CDH18: variants seen among roughly 807,000 people sequenced by gnomAD.
CDH18 encodes the protein cadherin-18.
CDH18 carries 31 observed loss-of-function variants against 67.9 expected under a neutral mutation model. The ratio of observed to expected loss-of-function variants is 0.46; its 90% confidence interval spans 0.34 to 0.62. The LOEUF (loss-of-function observed/expected upper bound fraction) is 0.62, where lower values mean the gene tolerates loss of function less well. Among genes scored for constraint, CDH18 ranks in the 20% least tolerant of loss-of-function variants. CDH18 has a pLI of 0.01. For synonymous variants in CDH18, 362 were observed against 347.2 expected (o/e 1.04, Z -0.48); for missense variants, 890 against 975.5 (o/e 0.91, Z 1.17).
At position 20,479,281 on chromosome 5, in the gene CDH18, C is replaced by T. The variant is rs570198794; in HGVS notation, c.-580+96181G>A. On this transcript the variant is annotated intron_variant, in intron 1 of 14. Transcript: ENST00000507958. Reference sequence around the variant, plus strand: ...TTACCAAAAGAAGTAACTAAGGTACCAGTGACCAATTCCAGAGTGACAGAG... The same window carrying T: ...TTACCAAAAGAAGTAACTAAGGTACTAGTGACCAATTCCAGAGTGACAGAG... Among the ~76,000 whole-genome samples the T allele has an allele frequency of 5.3e-5, 8 of 152,122 alleles. No individual in the cohort carries two copies. The South Asian group carries it at 1.5e-3, about 28-fold the overall frequency.
intron 2 of CDH18, among the ~76,000 whole-genome samples, chr5:20,148,880 G>A (rs1392679862): frequency 6.6e-6 from 1 of 152,014 alleles, no homozygotes; most frequent in Non-Finnish European, 1.5e-5. Flanking sequence ...TAACATCATG[G>A]AAAAGCAGGC....
At chr5:19,855,104 A>T (rs1463101840) in intron 2 of CDH18, among the ~76,000 whole-genome samples, 1 of 152,096 alleles carries the variant, frequency 6.6e-6, no homozygotes, top group Non-Finnish European at 1.5e-5. Flanking sequence ...GTAATAACCG[A>T]TATTGACTAG....
chr5:19,731,240 A>C (rs1581102068), intron 4 of CDH18, among the ~76,000 whole-genome samples: 1 of 152,100 alleles, frequency 6.6e-6, no homozygotes, highest in South Asian at 2.1e-4. Context: ...ACGAGGTCAG[A>C]AGATCGAGAC....
At chr5:19,975,299 C>T (rs1174712959) in intron 2 of CDH18, among the ~76,000 whole-genome samples, 1 of 151,710 alleles carries the variant, frequency 6.6e-6, no homozygotes, top group East Asian at 1.9e-4. Context: ...ACTCATTTTG[C>T]CAAAATAATA....
chr5:19,839,120 A>G lies in CDH18; in HGVS notation c.-134T>C. The G allele has an allele frequency of 1.5e-6, 1 of 651,956 alleles. No individual in the cohort carries two copies. The highest frequency in any genetic ancestry group is 2.7e-6 in the Non-Finnish European group (1 of 369,004). 40.4% of individuals were successfully genotyped at this position (651,956 alleles called of 1,614,324 possible). A position where few individuals can be genotyped will look rare whatever the true frequency, so the allele number is the denominator to read the frequency against. On this transcript the variant is annotated 5_prime_UTR_variant, in exon 3 of 13. Coordinates refer to ENST00000382275, the MANE Select transcript of CDH18 (RefSeq NM_004934.5). The stretch of plus-strand genomic sequence containing the variant: ...AAGTAAATTGTTTAGCGTGTCCATG[A>G]TTTAACTGTCCATCAGGGAAAGGTC...
At chr5:19,549,210 C>T (rs1342847668) in intron 8 of CDH18, among the ~76,000 whole-genome samples, 2 of 152,072 alleles carry the variant, frequency 1.3e-5, no homozygotes. Flanking sequence ...AATGGTTTGG[C>T]CCCATCCACT....
Position 19,612,440 on chromosome 5 carries a change from G to C in CDH18, c.805C>G (p.Pro269Ala). Residue 269 changes from proline to alanine, a missense_variant, in exon 6 of 13, where the codon CCT (proline) becomes GCT (alanine). Transcript: ENST00000382275. ...ATGGAAAACAAATACGTACTTTGAG[G>C]AAAGCGTGGTGGGTTGTCATTGACA... The part of the protein sequence containing the change: ...TDVNDNPPRF[P>A]QKHYQLYVPE... 6.2e-7 allele frequency: 1 copy of C among 1,613,814 alleles called. No individual in the cohort carries two copies. Among genetic ancestry groups the C allele is most frequent in the Admixed American group, 1.7e-5 (1 of 59,950 alleles).
chr5:19,673,521 T>C (rs1759050388), intron 5 of CDH18, among the ~76,000 whole-genome samples: 2 of 152,026 alleles, frequency 1.3e-5, no homozygotes, highest in Non-Finnish European at 2.9e-5. Flanking sequence ...ACGTAAAGCA[T>C]AAATTTGGAA....
At chr5:19,635,823 TC>T in intron 5 of CDH18, among the ~76,000 whole-genome samples, 1 of 152,258 alleles carries the variant, frequency 6.6e-6, no homozygotes, top group Admixed American at 6.5e-5. Flanking sequence ...ACATGGTTGT[TC>T]AGGATCATAT....
intron 2 of CDH18, among the ~76,000 whole-genome samples, chr5:19,877,361 A>G (rs1253253128): frequency 6.6e-6 from 1 of 152,144 alleles, no homozygotes; most frequent in Non-Finnish European, 1.5e-5. Context: ...GTATGCTTTG[A>G]TTGAGCAATT....
In CDH18 at chr5:20,566,526, ATTTT is replaced by A. The variant is rs33950954; in HGVS notation, c.-580+8932_-580+8935del. On this transcript the variant is annotated intron_variant, in intron 1 of 14. Transcript: ENST00000507958. The stretch of plus-strand genomic sequence containing the variant: ...AGGTTCGCGCCACCATGCCCAGCTA[ATTTT>A]TTTTTTTTTTTTTTTTTTGTATTTT... Among the ~76,000 whole-genome samples, 779 of 97,382 alleles carry A rather than the reference ATTTT, an allele frequency of 8.0e-3. 8 individuals are homozygous for A. Among genetic ancestry groups the A allele is most frequent in the Admixed American group, 0.048 (387 of 8,044 alleles). The allele number at this position is 97,382 out of a possible 152,430, so 63.9% of individuals were successfully genotyped here.
chr5:19,880,120 C>T (rs1787469862), intron 2 of CDH18, among the ~76,000 whole-genome samples: 1 of 151,806 alleles, frequency 6.6e-6, no homozygotes, highest in South Asian at 2.1e-4. Context: ...TCAAAGAAAT[C>T]ATCATGTTCA....
chr5:20,084,129 A>T (rs1744731644), intron 2 of CDH18, among the ~76,000 whole-genome samples: 1 of 152,206 alleles, frequency 6.6e-6, no homozygotes, highest in Admixed American at 6.5e-5. Flanking sequence ...TGAGCCTGTT[A>T]TATCAAAAGC....
intron 1 of CDH18, among the ~76,000 whole-genome samples, chr5:20,508,080 G>C (rs1180308407): frequency 6.6e-6 from 1 of 151,644 alleles, no homozygotes; most frequent in Non-Finnish European, 1.5e-5. Flanking sequence ...CTAGTGAAAT[G>C]GTGTGGAAAA....
intron 3 of CDH18, among the ~76,000 whole-genome samples, chr5:19,822,359 G>T (rs576314179): frequency 6.6e-6 from 1 of 152,114 alleles, no homozygotes; most frequent in South Asian, 2.1e-4. Context: ...CAATAAGAAA[G>T]GACAAAAAGG....
intron 2 of CDH18, among the ~76,000 whole-genome samples, chr5:20,041,178 G>T (rs114939699): frequency 1.3e-5 from 2 of 152,112 alleles, no homozygotes; most frequent in African/African-American, 2.4e-5. Context: ...TAAACTTTAC[G>T]ATGTTTCTCA....
At chr5:20,270,426 A>G (rs1339647901) in intron 1 of CDH18, among the ~76,000 whole-genome samples, 1 of 152,156 alleles carries the variant, frequency 6.6e-6, no homozygotes, top group Non-Finnish European at 1.5e-5. Context: ...TCAAAACCAT[A>G]ATGATACATA....
At chr5:20,411,946 T>C (rs1746817558) in intron 1 of CDH18, among the ~76,000 whole-genome samples, 1 of 152,180 alleles carries the variant, frequency 6.6e-6, no homozygotes, top group South Asian at 2.1e-4. Context: ...ATCATTAAAA[T>C]AGTCATACTG....
At chr5:20,332,367 T>G (rs1739262582) in intron 1 of CDH18, among the ~76,000 whole-genome samples, 1 of 152,218 alleles carries the variant, frequency 6.6e-6, no homozygotes, top group African/African-American at 2.4e-5. Flanking sequence ...TTGATTTTTC[T>G]TTTTACTTCT....
Sources: gnomAD v4.1 joint callset for allele counts (sites outside exome capture counted in the v4.1 genomes callset) on GRCh38, gnomAD v4.1.1 for gene constraint, MANE v1.5 for transcripts, NCBI Gene and HGNC (gene_info 2026-07-23, HGNC 2026-07-21) for gene names.